The following CCSER1 variants were observed in gnomAD, a reference collection of about 807,000 sequenced individuals.
The protein encoded by CCSER1 is coiled-coil serine rich protein 1, also known as serine-rich coiled-coil domain-containing protein 1.
In CCSER1, 41 loss-of-function variants were observed where a neutral mutation model predicts 82.0. The ratio of observed to expected loss-of-function variants is 0.50; its 90% CI spans 0.39 to 0.65. The LOEUF (loss-of-function observed/expected upper bound fraction) is 0.65. Ranked by LOEUF, CCSER1 falls within the 30% of genes least tolerant of loss-of-function variation. The probability of loss-of-function intolerance (pLI) is 0.00; values close to 1 mark genes in which losing one functional copy is unlikely to be tolerated. For synonymous variants in CCSER1, 414 were observed against 383.9 expected (o/e 1.08, Z -0.92); for missense variants, 1,119 against 1,064.2 (o/e 1.05, Z -0.72).
chr4:91,456,065 T>A (rs1756151768), intron 10 of CCSER1, among the ~76,000 whole-genome samples: 4 of 152,030 alleles, frequency 2.6e-5, no homozygotes, highest in Admixed American at 2.6e-4. Context: ...GAACTAGGTG[T>A]CTTGTAAACC....
chr4:91,467,366 A>G (rs1017512391), intron 10 of CCSER1, among the ~76,000 whole-genome samples: 2 of 152,224 alleles, frequency 1.3e-5, no homozygotes, highest in Non-Finnish European at 1.5e-5. Flanking sequence ...TGGATTAAAG[A>G]CTTCAATGTT....
intron 4 of CCSER1, among the ~76,000 whole-genome samples, chr4:90,453,033 A>C (rs765414395): frequency 1.3e-5 from 2 of 152,198 alleles, no homozygotes; most frequent in African/African-American, 4.8e-5. Context: ...TAATGTATAC[A>C]TATTGTAAAA....
chr4:90,944,842 G>C (rs939165273), intron 9 of CCSER1, among the ~76,000 whole-genome samples: 1 of 152,128 alleles, frequency 6.6e-6, no homozygotes, highest in Non-Finnish European at 1.5e-5. Flanking sequence ...AGACAAATCA[G>C]TTGCTATAAC....
rs186635454 is a variant in CCSER1 at position 90,250,373 on chromosome 4, T to A, written c.-41-57871T>A. 2.0e-3 allele frequency among the ~76,000 whole-genome samples: 310 copies of A among 152,214 alleles called. 2 individuals are homozygous for A. Among genetic ancestry groups the A allele is most frequent in the African/African-American group, 6.7e-3 (278 of 41,568 alleles). On this transcript the variant is annotated intron_variant, in intron 1 of 10. Transcript: ENST00000509176. ...TAGCTTTAGCACTTACATTTGGGCT[T>A]AAGATCTATTTTGATTCACTTTTTG...
At chr4:91,501,218 A>G (rs1759192829) in intron 10 of CCSER1, among the ~76,000 whole-genome samples, 1 of 151,898 alleles carries the variant, frequency 6.6e-6, no homozygotes, top group African/African-American at 2.4e-5. Context: ...ATTTGATTAG[A>G]AAATTAACAT....
At chr4:91,285,810 TGTG>T (rs1560566543) in intron 10 of CCSER1, among the ~76,000 whole-genome samples, 1 of 151,988 alleles carries the variant, frequency 6.6e-6, no homozygotes, top group African/African-American at 2.4e-5. Flanking sequence ...TATTTGTAAT[TGTG>T]GTGCTTATCA....
intron 10 of CCSER1, among the ~76,000 whole-genome samples, chr4:91,366,993 A>T (rs1371569610): frequency 6.6e-6 from 1 of 152,008 alleles, no homozygotes; most frequent in African/African-American, 2.4e-5. Flanking sequence ...AAAAATTTTT[A>T]AAAAGTCAAA....
intron 8 of CCSER1, among the ~76,000 whole-genome samples, chr4:90,870,726 C>T (rs577974205): frequency 9.7e-4 from 146 of 151,230 alleles, no homozygotes; most frequent in African/African-American, 3.4e-3. Flanking sequence ...ACTTCCTCCT[C>T]CTCTATTTTT....
chr4:90,171,199 A>G (rs1731603349), intron 1 of CCSER1, among the ~76,000 whole-genome samples: 1 of 98,036 alleles, frequency 1.0e-5, no homozygotes, highest in South Asian at 3.2e-4. Context: ...AAAATACAGG[A>G]ATATATTTTA....
At chr4:91,376,897 T>TCCCACCCC (rs1750452923) in intron 10 of CCSER1, among the ~76,000 whole-genome samples, 1 of 48,268 alleles carries the variant, frequency 2.1e-5, no homozygotes, top group African/African-American at 7.0e-5. Context: ...CCTAATACTA[T>TCCCACCCC]CCCTCCCCCC....
Position 91,603,345 on chromosome 4 carries a change from T to C in CCSER1, c.*4288T>C, listed in dbSNP as rs573734011. 1 of 152,110 alleles carries C rather than the reference T, an allele frequency of 6.6e-6. No homozygotes were observed. The highest frequency in any genetic ancestry group is 2.4e-5 in the African/African-American group (1 of 41,440). 9.4% of individuals were successfully genotyped at this position (152,110 alleles called of 1,614,324 possible). On this transcript the variant is annotated 3_prime_UTR_variant, in exon 11 of 11. Transcript: ENST00000509176. ...AACTATTTATTTACAATACATTTGA[T>C]CTCGTTAAGACCCCAGTTCTATTTC...
chr4:90,781,824 C>CA (rs775156695), intron 7 of CCSER1: 25 of 949,920 alleles, frequency 2.6e-5, no homozygotes, highest in Non-Finnish European at 2.9e-5. Flanking sequence ...TTGAGCAAGT[C>CA]ACTTATCTTT....
At chr4:90,692,055 A>G (rs1247790352) in intron 6 of CCSER1, among the ~76,000 whole-genome samples, 14 of 76,688 alleles carry the variant, frequency 1.8e-4, no homozygotes, top group South Asian at 4.1e-4. Context: ...ATATATATAT[A>G]TATATATATA....
chr4:90,356,222 A>G (rs990156677), intron 3 of CCSER1, among the ~76,000 whole-genome samples: 1 of 151,800 alleles, frequency 6.6e-6, no homozygotes, highest in African/African-American at 2.4e-5. Flanking sequence ...GTGTAGCTAT[A>G]CTGTTTTATA....
chr4:91,226,131 A>G (rs1313242598), intron 10 of CCSER1, among the ~76,000 whole-genome samples: 1 of 151,954 alleles, frequency 6.6e-6, no homozygotes, highest in Non-Finnish European at 1.5e-5. Flanking sequence ...CATTAGGTAT[A>G]TCTCCTAAGC....
At chr4:91,405,581 G>C (rs1578379523) in intron 10 of CCSER1, among the ~76,000 whole-genome samples, 1 of 152,160 alleles carries the variant, frequency 6.6e-6, no homozygotes, top group African/African-American at 2.4e-5. Flanking sequence ...GCAATGGCTG[G>C]CGCCCCTCCC....
intron 5 of CCSER1, among the ~76,000 whole-genome samples, chr4:90,607,020 A>G (rs1384297847): frequency 6.6e-6 from 1 of 152,204 alleles, no homozygotes; most frequent in Non-Finnish European, 1.5e-5. Flanking sequence ...CCAGTAAATC[A>G]TAATAATCAT....
At chr4:90,724,041 A>G (rs1411571080) in intron 7 of CCSER1, 50 bp downstream of exon 7, 7 of 1,129,814 alleles carry the variant, frequency 6.2e-6, no homozygotes, top group Non-Finnish European at 7.8e-6. Context: ...AGGATAGTTA[A>G]TAAATAGTTT....
At chr4:90,812,436 A>C (rs546879604) in intron 7 of CCSER1, among the ~76,000 whole-genome samples, 214 of 152,316 alleles carry the variant, frequency 1.4e-3, no homozygotes, top group African/African-American at 4.2e-3. Flanking sequence ...TATTGTGTAC[A>C]TTGAGGTCGT....
Sources: gnomAD v4.1 joint callset for allele counts (sites outside exome capture counted in the v4.1 genomes callset) on GRCh38, gnomAD v4.1.1 for gene constraint, MANE v1.5 for transcripts, NCBI Gene and HGNC (gene_info 2026-07-23, HGNC 2026-07-21) for gene names.